Variants in MYO6 observed in about 807,000 individuals in gnomAD.
MYO6 encodes myosin VI.
A neutral mutation model predicts 178.7 loss-of-function variants in MYO6; 74 were observed. The ratio of observed to expected loss-of-function variants is 0.41; its 90% confidence interval spans 0.34 to 0.50. MYO6 has a LOEUF of 0.50. Ranked by LOEUF, MYO6 falls within the 20% of genes least tolerant of loss-of-function variation. The pLI is 0.09. For missense variants in MYO6, 1,330 were observed against 1,547.4 expected (o/e 0.86, Z 2.36); for synonymous variants, 477 against 504.6 (o/e 0.95, Z 0.73).
chr6:75,759,693 C>G (rs1275196828), intron 1 of MYO6, among the ~76,000 whole-genome samples: 1 of 152,020 alleles, frequency 6.6e-6, no homozygotes, highest in African/African-American at 2.4e-5. Context: ...GGATTTGTAG[C>G]ATTTCCTTGG....
chr6:75,871,118 T>C (rs1251797545), intron 19 of MYO6, among the ~76,000 whole-genome samples: 4 of 152,238 alleles, frequency 2.6e-5, no homozygotes, highest in African/African-American at 4.8e-5. Context: ...TTTTTAACTA[T>C]ACATTTTAGT....
At chr6:75,877,264 C>T (rs774119275) in intron 20 of MYO6, among the ~76,000 whole-genome samples, 19 of 149,428 alleles carry the variant, frequency 1.3e-4, no homozygotes, top group Non-Finnish European at 1.0e-4. Flanking sequence ...TGAGCCACCG[C>T]GCCTCGTCTT....
chr6:75,822,721 C>T, intron 2 of MYO6, 61 bp from the exon 3 acceptor site: 2 of 1,342,852 alleles, frequency 1.5e-6, no homozygotes, highest in South Asian at 1.2e-5. Flanking sequence ...CAATTAAGCC[C>T]TTCTATTGTT....
chr6:75,758,792 G>A (rs189490578), intron 1 of MYO6, among the ~76,000 whole-genome samples: 1 of 152,028 alleles, frequency 6.6e-6, no homozygotes, highest in East Asian at 1.9e-4. Flanking sequence ...ATTCGGAGGT[G>A]ATTAGTTAAT....
intron 11 of MYO6, among the ~76,000 whole-genome samples, chr6:75,851,798 A>G (rs777152357): frequency 1.3e-5 from 2 of 152,042 alleles, no homozygotes; most frequent in Non-Finnish European, 2.9e-5. Flanking sequence ...CCATGATCGC[A>G]CCACTGCACT....
At chr6:75,901,970 C>A (rs561935953) in intron 30 of MYO6, among the ~76,000 whole-genome samples, 1 of 152,302 alleles carries the variant, frequency 6.6e-6, no homozygotes, top group Non-Finnish European at 1.5e-5. Context: ...TTTTCTGCAT[C>A]TATTGAGATA....
chr6:75,887,003 T>C lies in MYO6; in HGVS notation c.2658+9T>C, dbSNP rs1383945987. On this transcript the variant is annotated intron_variant, in intron 25 of 34. Transcript: ENST00000369977. ...TGATGGCCAAAATTAAGGTATGTAATTTCAACCCGAATGACTTTGACTTTT... is the reference window on the plus strand; with the variant it reads ...TGATGGCCAAAATTAAGGTATGTAACTTCAACCCGAATGACTTTGACTTTT... 1 of 1,610,114 alleles carries C rather than the reference T, an allele frequency of 6.2e-7. No homozygotes were observed. Among genetic ancestry groups the C allele is most frequent in the Admixed American group, 1.7e-5 (1 of 59,996 alleles).
At chr6:75,850,700 G>A (rs1338685403) in intron 11 of MYO6, among the ~76,000 whole-genome samples, 1 of 152,176 alleles carries the variant, frequency 6.6e-6, no homozygotes, top group Admixed American at 6.5e-5. Context: ...CCTTAGGCAG[G>A]GAACTTAGCC....
intron 1 of MYO6, among the ~76,000 whole-genome samples, chr6:75,761,158 T>C (rs958415476): frequency 6.6e-6 from 1 of 152,222 alleles, no homozygotes; most frequent in Non-Finnish European, 1.5e-5. Context: ...TATGTACTTA[T>C]TATTCTTGTG....
At chr6:75,805,845 T>A (rs1241398293) in intron 1 of MYO6, among the ~76,000 whole-genome samples, 1 of 152,244 alleles carries the variant, frequency 6.6e-6, no homozygotes, top group Non-Finnish European at 1.5e-5. Flanking sequence ...AAAGTTAGAA[T>A]GTGTTTAAGA....
At chr6:75,771,159 G>T (rs1385135237) in intron 1 of MYO6, among the ~76,000 whole-genome samples, 1 of 151,828 alleles carries the variant, frequency 6.6e-6, no homozygotes, top group African/African-American at 2.4e-5. Flanking sequence ...ATGCCACCGC[G>T]CCTGGCTAAT....
intron 25 of MYO6, among the ~76,000 whole-genome samples, chr6:75,888,072 T>A (rs146017529): frequency 1.3e-3 from 196 of 147,386 alleles, no homozygotes; most frequent in African/African-American, 4.6e-3. Flanking sequence ...GGCGGATTAT[T>A]TGAGGTCAGG....
chr6:75,848,307 A>T, intron 10 of MYO6, 44 bp from the exon 11 acceptor site: 1 of 1,564,328 alleles, frequency 6.4e-7, no homozygotes. Context: ...TAGTGTACTT[A>T]AATAATGTAA....
chr6:75,909,280 A>ACTTTTCTGTTT (rs1562316368), intron 32 of MYO6, among the ~76,000 whole-genome samples: 3 of 152,212 alleles, frequency 2.0e-5, no homozygotes, highest in Non-Finnish European at 4.4e-5. Context: ...ATTTGTAGGT[A>ACTTTTCTGTTT]TAAGTACTTT....
chr6:75,911,843 T>C (rs1780778475), intron 33 of MYO6, 145 bp downstream of exon 33: 1 of 740,300 alleles, frequency 1.4e-6, no homozygotes, highest in Non-Finnish European at 2.3e-6. Flanking sequence ...TACTAAGATA[T>C]ATTTTAATTT....
In MYO6 at chr6:75,841,231, A is replaced by G; in HGVS notation, c.669A>G (p.Gly223=). 6.2e-7 allele frequency: 1 copy of G among 1,613,938 alleles called. No homozygotes were observed. The highest frequency in any genetic ancestry group is 2.2e-5 in the East Asian group (1 of 44,874). The change falls in exon 9 of 35, where the codon GGA becomes GGG. Residue 223 remains glycine (G), a synonymous_variant. Coordinates refer to ENST00000369977, the MANE Select transcript of MYO6 (RefSeq NM_004999.4). ...HFNEKSSVVG[G]FVSHYLLEKS... is the part of the protein sequence containing the mutation. Reference sequence around the variant, plus strand: ...TTTTTTAGAGCTCAGTTGTTGGAGGATTTGTTTCACATTATCTCCTAGAGA... The same window carrying G: ...TTTTTTAGAGCTCAGTTGTTGGAGGGTTTGTTTCACATTATCTCCTAGAGA...
intron 32 of MYO6, 73 bp downstream of exon 32, chr6:75,908,700 T>A: frequency 6.7e-7 from 1 of 1,501,196 alleles, no homozygotes; most frequent in Non-Finnish European, 9.2e-7. Context: ...ACTTAAGACA[T>A]GGGTAAAATG....
chr6:75,787,567 G>A (rs1423106713), intron 1 of MYO6, among the ~76,000 whole-genome samples: 4 of 149,410 alleles, frequency 2.7e-5, no homozygotes, highest in African/African-American at 9.8e-5. Context: ...ATAAGTGGTG[G>A]CCAGGAGCTA....
chr6:75,848,325 T>C (rs1228434047), intron 10 of MYO6, 26 bp from the exon 11 acceptor site: 1 of 1,600,464 alleles, frequency 6.2e-7, no homozygotes, highest in South Asian at 1.1e-5. Context: ...TAACGATCAG[T>C]TAATTGGTGT....
Sources: gnomAD v4.1 joint callset for allele counts (sites outside exome capture counted in the v4.1 genomes callset) on GRCh38, gnomAD v4.1.1 for gene constraint, MANE v1.5 for transcripts, NCBI Gene and HGNC (gene_info 2026-07-23, HGNC 2026-07-21) for gene names.